PFKFB3: variants seen among roughly 807,000 people sequenced by gnomAD.
The protein encoded by PFKFB3 is 6-phosphofructo-2-kinase/fructose-2,6-biphosphatase 3, also known as 6-phosphofructo-2-kinase/fructose-2,6-bisphosphatase 3.
A neutral mutation model predicts 68.0 loss-of-function variants in PFKFB3; 33 were observed. The ratio of observed to expected loss-of-function variants is 0.49; its 90% CI spans 0.37 to 0.65. The LOEUF (loss-of-function observed/expected upper bound fraction) is 0.65, where lower values mean the gene tolerates loss of function less well. Among genes scored for constraint, PFKFB3 ranks in the 30% least tolerant of loss-of-function variants. The pLI is 0.00. For missense variants in PFKFB3, 586 were observed against 712.2 expected (o/e 0.82, Z 2.02); for synonymous variants, 315 against 288.2 (o/e 1.09, Z -0.94).
chr10:6,214,730 C>T (rs1034797505), intron 2 of PFKFB3, among the ~76,000 whole-genome samples: 1 of 152,220 alleles, frequency 6.6e-6, no homozygotes. Flanking sequence ...CCCCGCTGTG[C>T]CCAGCTCAGT....
intron 14 of PFKFB3, 162 bp downstream of exon 14, chr10:6,226,527 A>G: frequency 1.6e-6 from 1 of 626,076 alleles, no homozygotes; most frequent in Non-Finnish European, 2.7e-6. Flanking sequence ...TTGTGGGGGC[A>G]TGTGCACACA....
At chr10:6,244,992 T>G (rs1471921269) in intron 14 of PFKFB3, among the ~76,000 whole-genome samples, 4 of 152,162 alleles carry the variant, frequency 2.6e-5, no homozygotes, top group Non-Finnish European at 5.9e-5. Flanking sequence ...ATCTGCAAGT[T>G]TAAACTCCAC....
rs187867894 is a variant in PFKFB3, at chr10:6,219,397, C to T, written c.499-172C>T. 6.3e-6 allele frequency: 4 copies of T among 632,452 alleles called. No individual in the cohort carries two copies. In the South Asian group the frequency reaches 7.4e-5, roughly 12 times the overall value. 39.2% of individuals were successfully genotyped at this position (632,452 alleles called of 1,614,324 possible). A position where few individuals can be genotyped will look rare whatever the true frequency, so the allele number is the denominator to read the frequency against. On this transcript the variant is annotated intron_variant, in intron 6 of 14. Transcript: ENST00000379775. ...CCAGGGAATCCTCCCCATGTAACATCAGGCTGTGACTCAGCCCCCAGCATC... is the reference window on the plus strand; with the variant it reads ...CCAGGGAATCCTCCCCATGTAACATTAGGCTGTGACTCAGCCCCCAGCATC...
intron 14 of PFKFB3, chr10:6,231,697 C>A: frequency 1.7e-6 from 1 of 580,630 alleles, no homozygotes; most frequent in Non-Finnish European, 2.2e-6. Flanking sequence ...TATGAGGACC[C>A]AGGGCTCTCT....
chr10:6,163,850 AGCCT>A (rs2131721402), intron 1 of PFKFB3: 1 of 151,996 alleles, frequency 6.6e-6, no homozygotes, highest in South Asian at 2.1e-4. Flanking sequence ...GCGCGGCCCC[AGCCT>A]GCTCTGCGGC....
At chr10:6,263,976 G>C in the PFKFB3 span, among the ~76,000 whole-genome samples, 484 of 152,344 alleles carry the variant, frequency 3.2e-3, 5 homozygotes, top group Non-Finnish European at 3.4e-3. Context: ...GTGAGCCACT[G>C]TGTCCAGCCA....
downstream of PFKFB3, among the ~76,000 whole-genome samples, chr10:6,236,607 G>A (rs141377292): frequency 1.4e-4 from 22 of 152,346 alleles, no homozygotes; most frequent in African/African-American, 4.8e-4. Flanking sequence ...GGGGCAGAGC[G>A]TTCTGGGGAA....
chr10:6,285,303 G>A, the PFKFB3 span, among the ~76,000 whole-genome samples: 5 of 150,152 alleles, frequency 3.3e-5, no homozygotes, highest in Non-Finnish European at 4.4e-5. Context: ...GTGTGATATC[G>A]GCTCACTGCA....
chr10:6,232,320 G>C (rs1845799775), intron 14 of PFKFB3, among the ~76,000 whole-genome samples: 1 of 152,112 alleles, frequency 6.6e-6, no homozygotes, highest in African/African-American at 2.4e-5. Context: ...GGGCCACTGT[G>C]ATCAGAAGTG....
At chr10:6,262,012 C>CA in the PFKFB3 span, among the ~76,000 whole-genome samples, 6 of 91,954 alleles carry the variant, frequency 6.5e-5, no homozygotes, top group Non-Finnish European at 8.4e-5. Flanking sequence ...CAAAACAAAA[C>CA]AAAAAACAAA....
the PFKFB3 span, among the ~76,000 whole-genome samples, chr10:6,323,503 T>C: frequency 6.6e-6 from 1 of 152,236 alleles, no homozygotes; most frequent in East Asian, 1.9e-4. Context: ...TTCTCACTTC[T>C]TACCCTGCAG....
intron 1 of PFKFB3, among the ~76,000 whole-genome samples, chr10:6,178,847 C>T (rs544456282): frequency 2.7e-4 from 41 of 152,328 alleles, no homozygotes; most frequent in African/African-American, 8.7e-4. Flanking sequence ...CTGGCTGAGC[C>T]GGGACGCAGC....
At chr10:6,231,477 C>G (rs960538934) in intron 14 of PFKFB3, 3 of 985,346 alleles carry the variant, frequency 3.0e-6, no homozygotes, top group Non-Finnish European at 3.6e-6. Flanking sequence ...TCTCTCACCC[C>G]CCACGTGTCC....
the PFKFB3 span, among the ~76,000 whole-genome samples, chr10:6,312,040 A>G: frequency 2.0e-5 from 3 of 152,210 alleles, no homozygotes; most frequent in African/African-American, 7.2e-5. Context: ...CAAATGATGA[A>G]GGGAAAATGA....
the PFKFB3 span, chr10:6,277,809 T>C: frequency 2.5e-6 from 1 of 396,858 alleles, no homozygotes; most frequent in South Asian, 1.9e-5. Flanking sequence ...CAGTCTCAGG[T>C]ATTTCTTTAT....
chr10:6,159,914 A>G (rs1382874494), intron 1 of PFKFB3, among the ~76,000 whole-genome samples: 3 of 149,038 alleles, frequency 2.0e-5, no homozygotes, highest in Non-Finnish European at 4.5e-5. Context: ...GTGTGCCACC[A>G]TGCCTGGCTA....
chr10:6,192,497 G>A (rs1161211391), intron 1 of PFKFB3, among the ~76,000 whole-genome samples: 4 of 151,734 alleles, frequency 2.6e-5, no homozygotes, highest in Non-Finnish European at 4.4e-5. Context: ...GGGTTGCTCC[G>A]TGGCATGTGT....
At chr10:6,205,161 T>C (rs1383534687) in intron 1 of PFKFB3, among the ~76,000 whole-genome samples, 1 of 152,166 alleles carries the variant, frequency 6.6e-6, no homozygotes, top group Non-Finnish European at 1.5e-5. Context: ...TATCCTCCTG[T>C]GTGGCTTTGA....
chr10:6,161,012 T>TTG lies in PFKFB3; in HGVS notation c.16+15999_16+16000insTG, dbSNP rs781671260. ...GTGGAATGGTGTGATCTTGGCTCAC[T>TTG]GCAACCTCCGCTTCTCGGGTTCAAG... On this transcript the variant is annotated intron_variant, in intron 1 of 14. Transcript: ENST00000379789. Among the ~76,000 whole-genome samples the TTG allele has an allele frequency of 3.6e-3, 554 of 152,282 alleles. 2 individuals carry two copies. Among genetic ancestry groups the TTG allele is most frequent in the Middle Eastern group, 6.8e-3 (2 of 294 alleles).
Sources: allele counts gnomAD v4.1 joint callset (sites outside exome capture counted in the v4.1 genomes callset), GRCh38; gene constraint gnomAD v4.1.1; transcripts MANE v1.5; gene names NCBI Gene and HGNC (gene_info 2026-07-23, HGNC 2026-07-21).